The following MDC1 variants were observed in gnomAD, a reference collection of about 807,000 sequenced individuals.
MDC1 encodes mediator of DNA damage checkpoint 1, also known as mediator of DNA damage checkpoint protein 1.
Under a neutral mutation model 142.5 loss-of-function variants are expected in MDC1, and 81 were observed. The ratio of observed to expected loss-of-function variants is 0.57; its 90% CI spans 0.47 to 0.68. The LOEUF (loss-of-function observed/expected upper bound fraction) is 0.68. Ranked by LOEUF, MDC1 falls within the 30% of genes least tolerant of loss-of-function variation. The pLI is 0.00. For missense variants in MDC1, 2,119 were observed against 2,547.9 expected (o/e 0.83, Z 3.62); for synonymous variants, 797 against 968.4 (o/e 0.82, Z 3.29).
rs1775653020 is a variant in MDC1 at position 30,716,288 on chromosome 6, A to G, written c.-4+957T>C. ...GTCCAGGCTGGACTGCAGTGGTGCT[A>G]TCTTGGCTCACTGCAACCTCTGCCT... On this transcript the variant is annotated intron_variant, in intron 1 of 14. Transcript: ENST00000376406. This position sits in a 1 kb window ranked among gnomAD's most constrained non-coding sequence, Gnocchi z 4.4. 6.8e-6 allele frequency among the ~76,000 whole-genome samples: 1 copy of G among 147,942 alleles called. No homozygotes were observed. The highest frequency in any genetic ancestry group is 2.5e-5 in the African/African-American group (1 of 39,690).
Position 30,702,575 on chromosome 6 carries a change from G to C in MDC1, c.6080C>G (p.Pro2027Arg). The C allele has an allele frequency of 6.2e-7, 1 of 1,604,196 alleles. No individual in the cohort carries two copies. The highest frequency in any genetic ancestry group is 8.5e-7 in the Non-Finnish European group (1 of 1,175,960). ...TACCTTATAGGACCGAGGCATGCTG[G>C]GTAGGTATGTGCCTCCACAGCAGCT... The part of the protein sequence containing the change: ...IISCCGGTYL[P>R]SMPRSYKPQR... Residue 2027 changes from proline (P) to arginine (R), a missense_variant, in exon 14 of 15, where the codon CCC becomes CGC. Physicochemically the swap from Pro to Arg is moderately radical, Grantham distance 103 (BLOSUM62 -2). Transcript: ENST00000376406.
rs2429643 is a variant in MDC1, at chr6:30,709,119, C to G, written c.2222-762G>C. Among the ~76,000 whole-genome samples, 1,031 of 152,328 alleles carry G rather than the reference C, an allele frequency of 6.8e-3. 10 individuals are homozygous for G. Among genetic ancestry groups the G allele is most frequent in the Admixed American group, 9.7e-3 (148 of 15,304 alleles). On this transcript the variant is annotated intron_variant, in intron 7 of 14. Transcript: ENST00000376406. The surrounding 1 kb of genome is among the most constrained non-coding windows in gnomAD (Gnocchi z 4.2). ...GCATGATGTTGGCTCACTGCAACTC[C>G]CAACTGCTGGGCTCAGGAGATCCTC... is the stretch of plus-strand genomic sequence containing the variant.
In MDC1 at chr6:30,714,148, G is replaced by C; in HGVS notation, c.172C>G (p.Arg58Gly). ...PLHLGKNVVGRMPDCSVALPF... is the reference protein window; with the variant it reads ...PLHLGKNVVGGMPDCSVALPF... ...AGGGCCACAGAGCAGTCAGGCATTC[G>C]GCCTACCACATTCTTCCCGAGGTGT... Residue 58 changes from arginine (R) to glycine (G), a missense_variant, in exon 3 of 15, where the codon CGA becomes GGA. Arg to Gly is a moderately radical substitution (Grantham distance 125, BLOSUM62 -2). Transcript: ENST00000376406. 1 of 1,611,156 alleles carries C rather than the reference G, an allele frequency of 6.2e-7. No homozygotes were observed. The highest frequency in any genetic ancestry group is 1.1e-5 in the South Asian group (1 of 91,068).
rs1268252720 is a variant in MDC1 at position 30,704,383 on chromosome 6, C to T, written c.4800G>A (p.Arg1600=). Residue 1600 remains arginine, a synonymous_variant, in exon 10 of 15, where the codon AGG becomes AGA. Transcript: ENST00000376406. ...PEPTSRATRC[R]TNRSSVKTPE... ...GGGTCTTGACAGAGGACCTATTTGT[C>T]CTGCACCTAGTGGCCCGAGATGTGG... 6.3e-7 allele frequency: 1 copy of T among 1,598,738 alleles called. No homozygotes were observed. Among genetic ancestry groups the T allele is most frequent in the African/African-American group, 1.4e-5 (1 of 69,776 alleles).
At position 30,703,793 on chromosome 6, in the gene MDC1, G is replaced by A. The variant is rs753386959; in HGVS notation, c.5390C>T (p.Ser1797Phe). 7 of 1,595,400 alleles carry A rather than the reference G, an allele frequency of 4.4e-6. No homozygotes were observed. Among genetic ancestry groups the A allele is most frequent in the Non-Finnish European group, 6.0e-6 (7 of 1,171,180 alleles). ...AGGCTGGAGCTCCGGGGTGAACCTA[G>A]ATCTACCTGCTGGTTCCACCTTTTG... The part of the protein sequence containing the change: ...QIQKVEPAGR[S>F]RFTPELQPKA... The change falls in exon 10 of 15, where the codon TCT becomes TTT. Residue 1797 changes from serine (S) to phenylalanine (F), a missense_variant. Transcript: ENST00000376406. This position sits in a 1 kb window ranked among gnomAD's most constrained non-coding sequence, Gnocchi z 4.4.
At position 30,712,449 on chromosome 6, in the gene MDC1, C is replaced by G. The variant is rs1775055848; in HGVS notation, c.1493G>C (p.Ser498Thr). 6.2e-7 allele frequency: 1 copy of G among 1,612,992 alleles called. No individual in the cohort carries two copies. The highest frequency in any genetic ancestry group is 8.5e-7 in the Non-Finnish European group (1 of 1,179,978). ...AGGTGAGCTCTTATCTGCTTCCACA[C>G]TGTCATCACTGTCCCCAAAAGGAGG... ...DQPPFGDSDD[S>T]VEADKSSPGI... Residue 498 changes from serine to threonine, a missense_variant, in exon 5 of 15, where the codon AGT becomes ACT. Physicochemically the swap from Ser to Thr is moderately conservative, Grantham distance 58. Coordinates refer to ENST00000376406, the MANE Select transcript of MDC1 (RefSeq NM_014641.3). This position sits in a 1 kb window ranked among gnomAD's most constrained non-coding sequence, Gnocchi z 4.7.
In MDC1 at chr6:30,700,608, G is replaced by A. The variant is rs755711488; in HGVS notation, c.6127C>T (p.Pro2043Ser). ...YKPQRVVITC[P>S]QDFPHCSIPL... is the part of the protein sequence containing the mutation. ...ATGGAGCAATGAGGGAAGTCCTGAG[G>A]GCATGTGATCACAACTCTCTGAGGC... is the stretch of plus-strand genomic sequence containing the variant. Residue 2043 changes from proline (P) to serine (S), a missense_variant, in exon 15 of 15, where the codon CCT (proline) becomes TCT (serine). By Grantham distance (74) the Pro-to-Ser change is moderately conservative (BLOSUM62 -1). Coordinates refer to ENST00000376406, the MANE Select transcript of MDC1 (RefSeq NM_014641.3). The A allele has an allele frequency of 1.9e-6, 3 of 1,612,900 alleles. No homozygotes were observed. The South Asian group carries it at 3.3e-5, about 18-fold the overall frequency.
rs1773306815 is a variant in MDC1 at position 30,704,279 on chromosome 6, G to A, written c.4904C>T (p.Ser1635Phe). Residue 1635 changes from serine (S) to phenylalanine (F), a missense_variant, in exon 10 of 15, where the codon TCT becomes TTT. Transcript: ENST00000376406. ...TDQPVTPKLT[S>F]RATRRKTNRS... Reference sequence around the variant, plus strand: ...ATTTGTCTTTCTCCTAGTGGCCCTAGATGTGAGCTTGGGGGTGACAGGCTG... The same window carrying A: ...ATTTGTCTTTCTCCTAGTGGCCCTAAATGTGAGCTTGGGGGTGACAGGCTG... 10 of 1,613,720 alleles carry A rather than the reference G, an allele frequency of 6.2e-6. No homozygotes were observed. Among genetic ancestry groups the A allele is most frequent in the Non-Finnish European group, 7.6e-6 (9 of 1,179,766 alleles).
At position 30,713,222 on chromosome 6, in the gene MDC1, A is replaced by G. The variant is rs1215515897; in HGVS notation, c.720T>C (p.Gly240=). Residue 240 remains glycine (G), a synonymous_variant, in exon 5 of 15, where the codon GGT becomes GGC. Transcript: ENST00000376406. This position sits in a 1 kb window ranked among gnomAD's most constrained non-coding sequence, Gnocchi z 4.9. ...CAGACTGCTTTGCCTCTACAGTGGC[A>G]CCTCTTCTGGCAGCTGAGGAGGCCT... ...TEEASSAARR[G]ATVEAKQSEA... 1.2e-6 allele frequency: 2 copies of G among 1,612,930 alleles called. No homozygotes were observed. The highest frequency in any genetic ancestry group is 1.7e-6 in the Non-Finnish European group (2 of 1,179,988).
At chr6:30,707,494 C>A (rs757373624) in intron 8 of MDC1, 40 bp from the exon 9 acceptor site, 3 of 1,613,050 alleles carry the variant, frequency 1.9e-6, no homozygotes, top group Non-Finnish European at 2.5e-6. Flanking sequence ...GAGTTCCAAG[C>A]AGCTGGTTGC....
chr6:30,707,841 T>C lies in MDC1; in HGVS notation c.2738A>G (p.Lys913Arg), dbSNP rs574415948. The stretch of plus-strand genomic sequence containing the variant: ...TCTCTCTACTTCTCTCTCAAATGCT[T>C]TGCTTGGAAGGGTCTGCTTCTGTAC... ...KQVQKQTLPS[K>R]AFEREVERPV... The change falls in exon 8 of 15, where the codon AAA becomes AGA. Residue 913 changes from lysine (K) to arginine (R), a missense_variant. Coordinates refer to ENST00000376406, the MANE Select transcript of MDC1 (RefSeq NM_014641.3). 3.1e-6 allele frequency: 5 copies of C among 1,613,106 alleles called. No homozygotes were observed. The East Asian group carries it at 8.9e-5, about 29-fold the overall frequency.
chr6:30,705,666 A>T lies in MDC1; in HGVS notation c.3517T>A (p.Ser1173Thr), dbSNP rs778327015. 6.2e-7 allele frequency: 1 copy of T among 1,611,692 alleles called. No individual in the cohort carries two copies. ...TCAGAGGTGACAGGCTGGTCTGTGG[A>T]GGTGGAAGGCTGGAGCTCAGGGGCT... Reference protein sequence around the residue: ...PTAPELQPSTSTDQPVTSEPT... With the variant: ...PTAPELQPSTTTDQPVTSEPT... The change falls in exon 10 of 15, where the codon TCC (serine) becomes ACC (threonine). Residue 1173 changes from serine to threonine, a missense_variant. By Grantham distance (58) the Ser-to-Thr change is moderately conservative. Transcript: ENST00000376406.
chr6:30,708,214 G>C lies in MDC1; in HGVS notation c.2365C>G (p.Gln789Glu), dbSNP rs2127695543. ...LSPPRAIPGD[Q>E]HPESPVHTEP... ...GTGTGAACTGGGCTCTCTGGATGTT[G>C]GTCTCCTGGTATTGCCCTAGGTGGA... Residue 789 changes from glutamine (Q) to glutamate (E), a missense_variant, in exon 8 of 15, where the codon CAA becomes GAA. Transcript: ENST00000376406. The C allele has an allele frequency of 6.2e-7, 1 of 1,613,096 alleles. No homozygotes were observed. Among genetic ancestry groups the C allele is most frequent in the Non-Finnish European group, 8.5e-7 (1 of 1,180,036 alleles).
chr6:30,713,260 G>A lies in MDC1; in HGVS notation c.682C>T (p.Pro228Ser). The change falls in exon 5 of 15, where the codon CCA becomes TCA. Residue 228 changes from proline (P) to serine (S), a missense_variant. Transcript: ENST00000376406. The surrounding 1 kb of genome is among the most constrained non-coding windows in gnomAD (Gnocchi z 4.9). Reference sequence around the variant, plus strand: ...GCTGAGGAGGCCTCCTCTGTGGCTGGTTGCTGACCTTCTTCCACATCTGTG... The same window carrying A: ...GCTGAGGAGGCCTCCTCTGTGGCTGATTGCTGACCTTCTTCCACATCTGTG... ...SDTDVEEGQQPATEEASSAAR... is the reference protein window; with the variant it reads ...SDTDVEEGQQSATEEASSAAR... 3.1e-6 allele frequency: 5 copies of A among 1,613,030 alleles called. No individual in the cohort carries two copies. The highest frequency in any genetic ancestry group is 4.2e-6 in the Non-Finnish European group (5 of 1,180,034).
rs151243183 is a variant in MDC1, at chr6:30,712,517, T to C, written c.1425A>G (p.Thr475=). ...ENREAVLKDH[T]KIRALVRAHS... ...GTGCTCTAACAAGGGCTCTAATCTT[T>C]GTGTGATCCTTGAGGACAGCTTCTC... Residue 475 remains threonine (T), a synonymous_variant, in exon 5 of 15, where the codon ACA becomes ACG. Transcript: ENST00000376406. This position sits in a 1 kb window ranked among gnomAD's most constrained non-coding sequence, Gnocchi z 4.7. 316 of 1,613,050 alleles carry C rather than the reference T, an allele frequency of 2.0e-4. 1 individual carries two copies. The Middle Eastern group carries it at 2.6e-3, about 13-fold the overall frequency.
At chr6:30,701,958 CAGCAA>C (rs1033809138) in intron 14 of MDC1, among the ~76,000 whole-genome samples, 2 of 151,722 alleles carry the variant, frequency 1.3e-5, no homozygotes, top group African/African-American at 2.4e-5. Context: ...TGAAATACTT[CAGCAA>C]AGAAAATCAA....
chr6:30,711,767 A>G (rs1282881295), intron 5 of MDC1, 41 bp from the exon 6 acceptor site: 51 of 1,596,326 alleles, frequency 3.2e-5, no homozygotes, highest in Non-Finnish European at 4.2e-5. Flanking sequence ...AACAAAAATC[A>G]TACCTGACAC....
chr6:30,707,529 T>G, intron 8 of MDC1, 37 bp downstream of exon 8: 1 of 1,612,992 alleles, frequency 6.2e-7, no homozygotes, highest in Non-Finnish European at 8.5e-7. Context: ...TCACGAGGCC[T>G]GTGTATCACC....
rs1355230186 is a variant in MDC1, at chr6:30,711,487, C to T, written c.2146G>A (p.Asp716Asn). The T allele has an allele frequency of 2.5e-6, 4 of 1,612,940 alleles. No individual in the cohort carries two copies. Among genetic ancestry groups the T allele is most frequent in the Non-Finnish European group, 3.4e-6 (4 of 1,180,014 alleles). ...QGLEAVQSME[D>N]EPTQAFMLTP... ...AACATGAAGGCCTGGGTAGGTTCAT[C>T]CTCCATGCTCTGGACTGCTGTACAG... The change falls in exon 7 of 15, where the codon GAT becomes AAT. Residue 716 changes from aspartate (D) to asparagine (N), a missense_variant. Transcript: ENST00000376406.
Sources: gnomAD v4.1 joint callset for allele counts (sites outside exome capture counted in the v4.1 genomes callset) on GRCh38, gnomAD v4.1.1 for gene constraint, Gnocchi (gnomAD v3.1) non-coding constraint, MANE v1.5 for transcripts, NCBI Gene and HGNC (gene_info 2026-07-23, HGNC 2026-07-21) for gene names.